The following TMEM68 variants were observed in gnomAD, a reference collection of about 807,000 sequenced individuals.
TMEM68 encodes the protein DGAT1/2-independent enzyme synthesizing storage lipids.
In TMEM68, 25 loss-of-function variants were observed where a neutral mutation model predicts 36.9. That is an observed-to-expected ratio of 0.68 (90% confidence interval 0.49 to 0.95). The LOEUF (loss-of-function observed/expected upper bound fraction) is 0.95. Among genes scored for constraint, TMEM68 ranks in the 40% least tolerant of loss-of-function variants. The pLI is 0.00. For missense variants in TMEM68, 333 were observed against 392.0 expected, an observed-to-expected ratio of 0.85 and a Z score of 1.27; for synonymous variants, 131 against 124.4, an observed-to-expected ratio of 1.05 and a Z score of -0.35.
chr8:55,756,440 A>G (rs745606017), intron 3 of TMEM68, 29 bp from the exon 4 acceptor site: 10 of 1,533,532 alleles, frequency 6.5e-6, no homozygotes, highest in African/African-American at 1.4e-5. Context: ...GCAAATACTT[A>G]AAATATATTC....
chr8:55,754,769 ATATATT>A (rs1810541116), intron 4 of TMEM68, among the ~76,000 whole-genome samples: 1 of 85,868 alleles, frequency 1.2e-5, no homozygotes, highest in Non-Finnish European at 2.2e-5. Context: ...TACATACATT[ATATATT>A]TATATTATAT....
At chr8:55,771,083 G>A (rs1436734117) in intron 1 of TMEM68, among the ~76,000 whole-genome samples, 1 of 151,638 alleles carries the variant, frequency 6.6e-6, no homozygotes, top group African/African-American at 2.4e-5. Flanking sequence ...GAACCCAGGA[G>A]GCGGAAGTTG....
chr8:55,745,302 G>A (rs990621956), intron 5 of TMEM68, 181 bp from the exon 6 acceptor site: 3 of 357,968 alleles, frequency 8.4e-6, no homozygotes, highest in Non-Finnish European at 1.5e-5. Context: ...GGTCTCGTTA[G>A]TATTGGCATG....
At position 55,743,557 on chromosome 8, in the gene TMEM68, G is replaced by A. The variant is rs1810168837; in HGVS notation, c.812C>T (p.Pro271Leu). Residue 271 changes from proline to leucine, a missense_variant, in exon 7 of 8, where the codon CCA becomes CTA. Physicochemically the swap from Pro to Leu is moderately conservative, Grantham distance 98. Transcript: ENST00000434581. ...GCCTAAATAGGTCCGTAACTTCACTGGAAAACCTCCATACATTGGAGCAAA... is the reference window on the plus strand; with the variant it reads ...GCCTAAATAGGTCCGTAACTTCACTAGAAAACCTCCATACATTGGAGCAAA... ...YPFAPMYGGF[P>L]VKLRTYLGDP... 1 of 1,535,762 alleles carries A rather than the reference G, an allele frequency of 6.5e-7. No homozygotes were observed. Among genetic ancestry groups the A allele is most frequent in the Admixed American group, 2.0e-5 (1 of 50,970 alleles).
At chr8:55,744,143 G>C (rs1393017895) in intron 6 of TMEM68, among the ~76,000 whole-genome samples, 2 of 150,722 alleles carry the variant, frequency 1.3e-5, no homozygotes, top group African/African-American at 4.9e-5. Flanking sequence ...GTAAATATGA[G>C]ACTATAATGC....
chr8:55,760,095 A>G (rs553053108), intron 3 of TMEM68, among the ~76,000 whole-genome samples: 4 of 152,346 alleles, frequency 2.6e-5, no homozygotes, highest in Non-Finnish European at 5.9e-5. Flanking sequence ...CTTAGCTAAC[A>G]TTACCTGCCT....
chr8:55,756,192 T>G, intron 4 of TMEM68, 52 bp downstream of exon 4: 1 of 1,517,888 alleles, frequency 6.6e-7, no homozygotes, highest in Non-Finnish European at 8.9e-7. Context: ...ACCACATAAC[T>G]TGGTTTTGTT....
chr8:55,747,234 G>A (rs973941702), intron 5 of TMEM68: 4 of 152,150 alleles, frequency 2.6e-5, no homozygotes, highest in African/African-American at 9.7e-5. Flanking sequence ...GTGGTGGCCA[G>A]CGTCTGTAAC....
chr8:55,752,748 A>G, intron 4 of TMEM68, among the ~76,000 whole-genome samples: 1 of 131,854 alleles, frequency 7.6e-6, no homozygotes, highest in African/African-American at 2.9e-5. Flanking sequence ...TTTTGGAAAC[A>G]GGGCCTTGCT....
intron 3 of TMEM68, among the ~76,000 whole-genome samples, chr8:55,757,827 G>A (rs529545365): frequency 6.6e-6 from 1 of 152,210 alleles, no homozygotes; most frequent in African/African-American, 2.4e-5. Context: ...TATCTACCAC[G>A]GGGGCAGTGG....
intron 1 of TMEM68, among the ~76,000 whole-genome samples, chr8:55,770,341 C>A (rs1219493489): frequency 6.6e-6 from 1 of 152,136 alleles, no homozygotes; most frequent in Non-Finnish European, 1.5e-5. Flanking sequence ...CCTGAATTTA[C>A]CTGGGGGTGT....
At chr8:55,771,042 C>G (rs1811139826) in intron 1 of TMEM68, among the ~76,000 whole-genome samples, 1 of 152,028 alleles carries the variant, frequency 6.6e-6, no homozygotes, top group Non-Finnish European at 1.5e-5. Flanking sequence ...GTAAACCCAG[C>G]TACTCAGGAG....
intron 1 of TMEM68, chr8:55,772,924 A>G (rs963018282): frequency 8.5e-5 from 13 of 152,278 alleles, no homozygotes; most frequent in Admixed American, 1.3e-4. Flanking sequence ...GCCTCTACAG[A>G]GGCTAGAGAC....
At position 55,745,099 on chromosome 8, in the gene TMEM68, T is replaced by C. The variant is rs1375555587; in HGVS notation, c.710A>G (p.Gln237Arg). 1.2e-5 allele frequency: 18 copies of C among 1,498,520 alleles called. No individual in the cohort carries two copies. Among genetic ancestry groups the C allele is most frequent in the Non-Finnish European group, 1.5e-5 (17 of 1,128,326 alleles). The allele number at this position is 1,498,520 out of a possible 1,614,324, so 92.8% of individuals were successfully genotyped here. ...TGATCTAAATCCTTCTCGAATATTTTGTGTAAACATAGGAATAATGGGCTA... is the reference window on the plus strand; with the variant it reads ...TGATCTAAATCCTTCTCGAATATTTCGTGTAAACATAGGAATAATGGGCTA... ...AKVPIIPMFT[Q>R]NIREGFRSLG... is the part of the protein sequence containing the mutation. The change falls in exon 6 of 8, where the codon CAA (glutamine) becomes CGA (arginine). Residue 237 changes from glutamine to arginine, a missense_variant. Coordinates refer to ENST00000434581, the MANE Select transcript of TMEM68 (RefSeq NM_001286657.2).
Position 55,738,934 on chromosome 8 carries a change from C to CTG in TMEM68, c.*1197_*1198insCA, listed in dbSNP as rs1030397487. The CTG allele has an allele frequency of 1.3e-5, 2 of 152,602 alleles. No individual in the cohort carries two copies. Among genetic ancestry groups the CTG allele is most frequent in the Admixed American group, 6.6e-5 (1 of 15,266 alleles). 9.5% of individuals were successfully genotyped at this position (152,602 alleles called of 1,614,324 possible). On this transcript the variant is annotated 3_prime_UTR_variant, in exon 8 of 8. Transcript: ENST00000434581. ...TACTTAAATTCAGTTTTCAAGAAGA[C>CTG]AACAAATTGAAAATCATTAATTTTT...
intron 3 of TMEM68, chr8:55,761,599 A>C (rs1810795133): frequency 6.6e-6 from 1 of 152,230 alleles, no homozygotes; most frequent in African/African-American, 2.4e-5. Flanking sequence ...TCGGGGTACC[A>C]CATAGACTCC....
At chr8:55,748,377 G>A (rs1292896401) in intron 5 of TMEM68, among the ~76,000 whole-genome samples, 1 of 152,082 alleles carries the variant, frequency 6.6e-6, no homozygotes, top group African/African-American at 2.4e-5. Flanking sequence ...TGACCATGTT[G>A]GCCAGGCTGG....
chr8:55,758,913 G>A (rs1309358873), intron 3 of TMEM68, among the ~76,000 whole-genome samples: 1 of 152,154 alleles, frequency 6.6e-6, no homozygotes, highest in Non-Finnish European at 1.5e-5. Context: ...TAAAAAAATA[G>A]AGTCAAATAG....
chr8:55,751,841 A>G lies in TMEM68; in HGVS notation c.494-684T>C, dbSNP rs528092681. Among the ~76,000 whole-genome samples the G allele has an allele frequency of 3.9e-5, 6 of 152,362 alleles. No homozygotes were observed. The East Asian group carries it at 1.2e-3, about 29-fold the overall frequency. On this transcript the variant is annotated intron_variant, in intron 4 of 7. Coordinates refer to ENST00000434581, the MANE Select transcript of TMEM68 (RefSeq NM_001286657.2). ...ATATTTTAATCAAATCCCATACTGG[A>G]ACTTCTGAGGACTGATGTTAGTATA... is the stretch of plus-strand genomic sequence containing the variant.
Sources: allele counts gnomAD v4.1 joint callset (sites outside exome capture counted in the v4.1 genomes callset), GRCh38; gene constraint gnomAD v4.1.1; transcripts MANE v1.5; gene names NCBI Gene and HGNC (gene_info 2026-07-23, HGNC 2026-07-21).